The following SLC35B3 variants were observed in gnomAD, a reference collection of about 807,000 sequenced individuals.
The protein encoded by SLC35B3 is adenosine 3'-phospho 5'-phosphosulfate transporter 2.
Under a neutral mutation model 44.1 loss-of-function variants are expected in SLC35B3, and 35 were observed. The observed-to-expected ratio is 0.79, with a 90% CI of 0.61 to 1.05. The LOEUF (loss-of-function observed/expected upper bound fraction) is 1.05. SLC35B3 is among the 50% of genes least tolerant of loss of function. The probability of loss-of-function intolerance (pLI) is 0.00; values close to 1 mark genes in which losing one functional copy is unlikely to be tolerated. For synonymous variants in SLC35B3, 146 were observed against 167.3 expected, an observed-to-expected ratio of 0.87 and a Z score of 0.98; for missense variants, 414 against 476.4, an observed-to-expected ratio of 0.87 and a Z score of 1.22.
chr6:8,424,514 C>G (rs1049869296), intron 4 of SLC35B3, among the ~76,000 whole-genome samples: 1 of 152,160 alleles, frequency 6.6e-6, no homozygotes, highest in Non-Finnish European at 1.5e-5. Flanking sequence ...CCTGCCTCGG[C>G]CTCCCAAAGT....
At chr6:8,430,376 GA>G (rs1763853298) in intron 2 of SLC35B3, among the ~76,000 whole-genome samples, 2 of 151,968 alleles carry the variant, frequency 1.3e-5, no homozygotes, top group Non-Finnish European at 2.9e-5. Flanking sequence ...TCATTAAACT[GA>G]ATATAAACCA....
In SLC35B3 at chr6:8,434,206, A is replaced by G. The variant is rs1202235217; in HGVS notation, c.3+179T>C. ...TTAGTGATAATGTTGAGTTACAATGACCTATTGAAGTCACAATTATTTCAG... is the reference window on the plus strand; with the variant it reads ...TTAGTGATAATGTTGAGTTACAATGGCCTATTGAAGTCACAATTATTTCAG... On this transcript the variant is annotated intron_variant, in intron 2 of 10. Transcript: ENST00000644923. This position sits in a 1 kb window ranked among gnomAD's most constrained non-coding sequence, Gnocchi z 6.3. 6.6e-6 allele frequency among the ~76,000 whole-genome samples: 1 copy of G among 151,872 alleles called. No individual in the cohort carries two copies. Among genetic ancestry groups the G allele is most frequent in the Admixed American group, 6.6e-5 (1 of 15,266 alleles).
In SLC35B3 at chr6:8,435,150, A is replaced by G; in HGVS notation, c.-44+193T>C. On this transcript the variant is annotated intron_variant, in intron 1 of 10. Transcript: ENST00000644923. This position sits in a 1 kb window ranked among gnomAD's most constrained non-coding sequence, Gnocchi z 5.5. ...GGGCGAAAAACGGGCGAGGAGGAAC[A>G]GATGCTCCTCCCTGGAAACCGCCCG... The G allele has an allele frequency of 7.8e-7, 1 of 1,283,134 alleles. No homozygotes were observed. Among genetic ancestry groups the G allele is most frequent in the Admixed American group, 2.3e-5 (1 of 43,168 alleles). The allele number at this position is 1,283,134 out of a possible 1,614,324, so 79.5% of individuals were successfully genotyped here.
chr6:8,413,708 A>C lies in SLC35B3; in HGVS notation c.1056-9T>G. On this transcript the variant is annotated splice_polypyrimidine_tract_variant and intron_variant, in intron 10 of 10. Coordinates refer to ENST00000644923, the MANE Select transcript of SLC35B3 (RefSeq NM_001370476.2). ...AACCAGACCATACATACCTAAGAGA[A>C]AGAAATAAGGAAAAAAAATTAAAAT... 2.7e-6 allele frequency: 4 copies of C among 1,474,438 alleles called. No individual in the cohort carries two copies. Among genetic ancestry groups the C allele is most frequent in the Non-Finnish European group, 3.7e-6 (4 of 1,094,986 alleles). 91.3% of individuals were successfully genotyped at this position (1,474,438 alleles called of 1,614,324 possible).
chr6:8,411,951 T>C lies in SLC35B3; in HGVS notation c.*1598A>G, dbSNP rs893954827. Among the ~76,000 whole-genome samples the C allele has an allele frequency of 6.6e-6, 1 of 152,182 alleles. No homozygotes were observed. Among genetic ancestry groups the C allele is most frequent in the Non-Finnish European group, 1.5e-5 (1 of 68,022 alleles). On this transcript the variant is annotated 3_prime_UTR_variant, in exon 11 of 11. Transcript: ENST00000644923. Reference sequence around the variant, plus strand: ...ATCTTTGAATTTAGACTCAAAACTATGCATGCAACATTCCTATGGTCTGAA... The same window carrying C: ...ATCTTTGAATTTAGACTCAAAACTACGCATGCAACATTCCTATGGTCTGAA...
chr6:8,414,812 AAAG>A (rs1762270032), intron 10 of SLC35B3, 93 bp downstream of exon 9: 1 of 633,074 alleles, frequency 1.6e-6, no homozygotes, highest in East Asian at 3.0e-5. Context: ...TTACTACAAA[AAAG>A]AAAAAGTAGA....
rs1245454656 is a variant in SLC35B3, at chr6:8,412,313, G to A, written c.*1236C>T. On this transcript the variant is annotated 3_prime_UTR_variant, in exon 11 of 11. Transcript: ENST00000644923. Reference sequence around the variant, plus strand: ...TGAATGTGCTAAGGCGGAAAATATTGTCCAAATTTGCTAACTCTACTTGTG... The same window carrying A: ...TGAATGTGCTAAGGCGGAAAATATTATCCAAATTTGCTAACTCTACTTGTG... 3.3e-5 allele frequency among the ~76,000 whole-genome samples: 5 copies of A among 152,142 alleles called. No homozygotes were observed. The highest frequency in any genetic ancestry group is 7.4e-5 in the Non-Finnish European group (5 of 68,020).
chr6:8,422,601 A>C lies in SLC35B3; in HGVS notation c.443T>G (p.Ile148Arg), dbSNP rs774976524. 8.1e-6 allele frequency: 13 copies of C among 1,609,168 alleles called. No homozygotes were observed. Among genetic ancestry groups the C allele is most frequent in the Admixed American group, 5.1e-5 (3 of 58,722 alleles). The change falls in exon 5 of 11, where the codon ATA (isoleucine) becomes AGA (arginine). Residue 148 changes from isoleucine (I) to arginine (R), a missense_variant. Ile to Arg is a moderately conservative substitution (Grantham distance 97, BLOSUM62 -3). Coordinates refer to ENST00000644923, the MANE Select transcript of SLC35B3 (RefSeq NM_001370476.2). ...AGTACCCACAGTTAGAAAAGCTATT[A>C]TCATGTAGGTTTTTCCTGGTATTCT...
At position 8,416,887 on chromosome 6, in the gene SLC35B3, T is replaced by G; in HGVS notation, c.982A>C (p.Thr328Pro). 6.6e-7 allele frequency: 1 copy of G among 1,506,390 alleles called. No homozygotes were observed. The highest frequency in any genetic ancestry group is 9.1e-7 in the Non-Finnish European group (1 of 1,098,486). The allele number at this position is 1,506,390 out of a possible 1,614,324, so 93.3% of individuals were successfully genotyped here. A position where few individuals can be genotyped will look rare whatever the true frequency, so the allele number is the denominator to read the frequency against. ...AAAGCAAGTAAATCCCTCCTACCTGTTACAGCAATAAGTGCACCAAAAATT... is the reference window on the plus strand; with the variant it reads ...AAAGCAAGTAAATCCCTCCTACCTGGTACAGCAATAAGTGCACCAAAAATT... Residue 328 changes from threonine (T) to proline (P), a missense_variant, in exon 9 of 11, where the codon ACA becomes CCA. By Grantham distance (38) the Thr-to-Pro change is conservative. Transcript: ENST00000644923.
At chr6:8,424,203 C>T (rs945977167) in intron 4 of SLC35B3, among the ~76,000 whole-genome samples, 1 of 152,208 alleles carries the variant, frequency 6.6e-6, no homozygotes, top group East Asian at 1.9e-4. Flanking sequence ...AGGATACTCA[C>T]TATTTCTATT....
chr6:8,431,968 AG>A (rs3839492), intron 2 of SLC35B3, among the ~76,000 whole-genome samples: 28,966 of 152,050 alleles, frequency 0.19, 2,870 homozygotes, highest in East Asian at 0.29. Flanking sequence ...ATGTCCTTTC[AG>A]CCTGAGGTCT....
chr6:8,430,182 AACATTT>A, intron 2 of SLC35B3, 25 bp from the exon 2 acceptor site: 1 of 1,512,824 alleles, frequency 6.6e-7, no homozygotes, highest in Non-Finnish European at 8.8e-7. Context: ...AAGCAATTAA[AACATTT>A]ACATGATAAA....
Position 8,420,594 on chromosome 6 carries a change from A to G in SLC35B3, c.682+127T>C. 1.6e-6 allele frequency: 1 copy of G among 632,816 alleles called. No homozygotes were observed. 39.2% of individuals were successfully genotyped at this position (632,816 alleles called of 1,614,324 possible). A position where few individuals can be genotyped will look rare whatever the true frequency, so the allele number is the denominator to read the frequency against. On this transcript the variant is annotated intron_variant, in intron 6 of 10. Coordinates refer to ENST00000644923, the MANE Select transcript of SLC35B3 (RefSeq NM_001370476.2). This position sits in a 1 kb window ranked among gnomAD's most constrained non-coding sequence, Gnocchi z 4.4. ...CACTACATCTTATATGGAAAGTCCA[A>G]AAGCTTTATGTTAGATATGAAAATT...
rs577846313 is a variant in SLC35B3, at chr6:8,425,070, T to G, written c.420-2446A>C. On this transcript the variant is annotated intron_variant, in intron 4 of 10. Coordinates refer to ENST00000644923, the MANE Select transcript of SLC35B3 (RefSeq NM_001370476.2). ...AAATTATTCTCCCAAATTATTTCAC[T>G]TATATTTAAATCAAGTACAAATTAT... 5.9e-5 allele frequency among the ~76,000 whole-genome samples: 9 copies of G among 152,382 alleles called. No individual in the cohort carries two copies. The East Asian group carries it at 1.7e-3, about 29-fold the overall frequency.
At chr6:8,426,153 G>T (rs1007410487) in intron 4 of SLC35B3, among the ~76,000 whole-genome samples, 31 of 152,052 alleles carry the variant, frequency 2.0e-4, no homozygotes, top group African/African-American at 7.2e-4. Context: ...ATACAGACTT[G>T]GTATCCCTCA....
intron 10 of SLC35B3, 24 bp downstream of exon 9, chr6:8,414,884 A>T (rs778067373): frequency 5.7e-6 from 8 of 1,402,970 alleles, no homozygotes; most frequent in Non-Finnish European, 7.9e-6. Flanking sequence ...ACTGAGAAAA[A>T]TTGTTTAATT....
chr6:8,428,103 T>C, intron 3 of SLC35B3, 45 bp from the exon 3 acceptor site: 2 of 1,376,560 alleles, frequency 1.5e-6, no homozygotes. Context: ...GGCAGCACAC[T>C]AATTTCCTAA....
Position 8,419,698 on chromosome 6 carries a change from A to G in SLC35B3, c.683-21T>C. ...CACACCTTCAAGAAGGTATTAAAAAAACAAACAAAAAAACCCTCCTTATTT... is the reference window on the plus strand; with the variant it reads ...CACACCTTCAAGAAGGTATTAAAAAGACAAACAAAAAAACCCTCCTTATTT... On this transcript the variant is annotated intron_variant, in intron 6 of 10. Transcript: ENST00000644923. The surrounding 1 kb of genome is among the most constrained non-coding windows in gnomAD (Gnocchi z 4.3). 1 of 1,358,072 alleles carries G rather than the reference A, an allele frequency of 7.4e-7. No homozygotes were observed. The highest frequency in any genetic ancestry group is 1.0e-6 in the Non-Finnish European group (1 of 1,001,878). The allele number at this position is 1,358,072 out of a possible 1,614,324, so 84.1% of individuals were successfully genotyped here.
intron 10 of SLC35B3, among the ~76,000 whole-genome samples, chr6:8,414,224 CAA>C (rs1462920937): frequency 6.6e-6 from 1 of 152,056 alleles, no homozygotes; most frequent in East Asian, 1.9e-4. Context: ...AGTTTATAGA[CAA>C]ATAATAATCT....
Sources: gnomAD v4.1 joint callset for allele counts (sites outside exome capture counted in the v4.1 genomes callset) on GRCh38, gnomAD v4.1.1 for gene constraint, Gnocchi (gnomAD v3.1) non-coding constraint, MANE v1.5 for transcripts, NCBI Gene and HGNC (gene_info 2026-07-23, HGNC 2026-07-21) for gene names.